Variants in RBPJ observed in about 807,000 individuals in gnomAD.
RBPJ encodes recombining binding protein suppressor of hairless.
In RBPJ, 9 loss-of-function variants were observed where a neutral mutation model predicts 67.8. The observed-to-expected ratio is 0.13, with a 90% CI of 0.08 to 0.23. The LOEUF is 0.23. RBPJ is among the 10% of genes least tolerant of loss of function. RBPJ has a pLI of 1.00. For missense variants in RBPJ, 305 were observed against 595.6 expected (o/e 0.51, Z 5.08); for synonymous variants, 198 against 203.3 (o/e 0.97, Z 0.22).
chr4:26,380,772 A>C (rs929018947), intron 1 of RBPJ, among the ~76,000 whole-genome samples: 2 of 151,906 alleles, frequency 1.3e-5, no homozygotes, highest in African/African-American at 4.8e-5. Flanking sequence ...TGCTTTTTTA[A>C]AACTTCTCTC....
intron 1 of RBPJ, among the ~76,000 whole-genome samples, chr4:26,213,795 C>A (rs1015010250): frequency 1.3e-5 from 2 of 151,930 alleles, no homozygotes; most frequent in African/African-American, 2.4e-5. Flanking sequence ...TGGGGAGAGG[C>A]CATTGTAGAA....
intron 1 of RBPJ, among the ~76,000 whole-genome samples, chr4:26,200,704 C>T (rs1038754523): frequency 6.6e-6 from 1 of 152,068 alleles, no homozygotes; most frequent in Non-Finnish European, 1.5e-5. Flanking sequence ...ATCCAATGCC[C>T]ACTGTACTAT....
chr4:26,320,110 TAGAG>T (rs575783040), upstream of RBPJ, among the ~76,000 whole-genome samples: 115 of 152,244 alleles, frequency 7.6e-4, no homozygotes, highest in African/African-American at 2.4e-3. Context: ...GATGGGGTCT[TAGAG>T]AGGCCATGCA....
At chr4:26,335,991 G>T (rs1724797018) in intron 1 of RBPJ, among the ~76,000 whole-genome samples, 1 of 152,122 alleles carries the variant, frequency 6.6e-6, no homozygotes, top group African/African-American at 2.4e-5. Flanking sequence ...TTTGTAGGGG[G>T]ATCTGGTCAC....
rs571128337 is a variant in RBPJ at position 26,291,006 on chromosome 4, G to A, written c.-166-71440G>A. The stretch of plus-strand genomic sequence containing the variant: ...TCCCCTTGAATGCTGTTTACTGGCT[G>A]TGAGCAAATAGGTATTCACTTAGAA... On this transcript the variant is annotated intron_variant, in intron 1 of 4. Coordinates refer to the RBPJ transcript ENST00000512351. 1.9e-4 allele frequency among the ~76,000 whole-genome samples: 28 copies of A among 151,148 alleles called. 5 individuals carry two copies. The highest frequency in any genetic ancestry group is 6.8e-4 in the African/African-American group (28 of 41,192).
At chr4:26,382,696 A>G (rs1481057489) in intron 1 of RBPJ, among the ~76,000 whole-genome samples, 1 of 152,102 alleles carries the variant, frequency 6.6e-6, no homozygotes, top group African/African-American at 2.4e-5. Context: ...TCCAGCTGCT[A>G]CACCCAGCTA....
At chr4:26,197,553 C>A (rs891584826) in intron 1 of RBPJ, among the ~76,000 whole-genome samples, 33 of 152,174 alleles carry the variant, frequency 2.2e-4, no homozygotes, top group African/African-American at 6.8e-4. Flanking sequence ...CGTTTGATCT[C>A]GGCACTGATG....
At chr4:26,408,433 A>AT (rs565502639) in intron 3 of RBPJ, among the ~76,000 whole-genome samples, 60 of 147,928 alleles carry the variant, frequency 4.1e-4, no homozygotes, top group East Asian at 3.4e-3. Context: ...GAAATTCAGT[A>AT]TTTTTTTTTT....
chr4:26,417,357 G>A (rs1314673755), intron 4 of RBPJ, among the ~76,000 whole-genome samples: 1 of 152,162 alleles, frequency 6.6e-6, no homozygotes, highest in East Asian at 1.9e-4. Flanking sequence ...TTTAGGGGCT[G>A]CCTCAACATG....
intron 7 of RBPJ, among the ~76,000 whole-genome samples, chr4:26,427,063 G>C (rs1270099541): frequency 6.6e-6 from 1 of 152,210 alleles, no homozygotes; most frequent in African/African-American, 2.4e-5. Flanking sequence ...CGTGGAAGCA[G>C]AGAGACAGGT....
At chr4:26,379,891 G>A (rs1375994336) in intron 1 of RBPJ, among the ~76,000 whole-genome samples, 1 of 152,052 alleles carries the variant, frequency 6.6e-6, no homozygotes, top group Non-Finnish European at 1.5e-5. Flanking sequence ...ACATCTTATA[G>A]GATGTTTCTT....
chr4:26,210,727 C>CTTTCCTTCTTTA (rs1718371547), intron 1 of RBPJ, among the ~76,000 whole-genome samples: 1,351 of 61,746 alleles, frequency 0.022, 105 homozygotes, highest in Non-Finnish European at 0.023. Flanking sequence ...TTCTTTCTTT[C>CTTTCCTTCTTTA]CTTCTTTACT....
intron 1 of RBPJ, among the ~76,000 whole-genome samples, chr4:26,300,776 G>A (rs1722049231): frequency 6.6e-6 from 1 of 152,114 alleles, no homozygotes; most frequent in Non-Finnish European, 1.5e-5. Context: ...GCTCATAGAG[G>A]GTGTTCAGGA....
chr4:26,360,028 T>G (rs1397703626), intron 1 of RBPJ, among the ~76,000 whole-genome samples: 1 of 152,210 alleles, frequency 6.6e-6, no homozygotes, highest in Non-Finnish European at 1.5e-5. Context: ...TATGTTAATT[T>G]AATTTTTCTG....
rs71186404 is a variant in RBPJ, at chr4:26,343,739, CTTTTTTTTTTTT to C, written c.20+22708_20+22719del. On this transcript the variant is annotated intron_variant, in intron 1 of 10. Transcript: ENST00000355476. ...ATTTTTTTGTACTTCTTTCTTTCTT[CTTTTTTTTTTTT>C]TTTTTTTTTTTTTTTTGTGACGGAG... Among the ~76,000 whole-genome samples, 97 of 55,828 alleles carry C rather than the reference CTTTTTTTTTTTT, an allele frequency of 1.7e-3. 2 individuals are homozygous for C. The East Asian group carries it at 0.033, about 19-fold the overall frequency. 36.6% of individuals were successfully genotyped at this position (55,828 alleles called of 152,430 possible).
rs760306759 is a variant in RBPJ, at chr4:26,428,702, C to T, written c.748-18C>T. On this transcript the variant is annotated intron_variant, in intron 7 of 10. Coordinates refer to ENST00000355476, the MANE Select transcript of RBPJ (RefSeq NM_015874.6). ...TCCATGTGTGGATGACCTTTTATTT[C>T]TTAATTGTTAAATATAGATAATTAG... 5.1e-5 allele frequency: 81 copies of T among 1,596,162 alleles called. No homozygotes were observed. Among genetic ancestry groups the T allele is most frequent in the Non-Finnish European group, 6.3e-5 (74 of 1,168,872 alleles).
At chr4:26,349,106 G>A (rs1726525403) in intron 1 of RBPJ, among the ~76,000 whole-genome samples, 1 of 151,136 alleles carries the variant, frequency 6.6e-6, no homozygotes, top group Non-Finnish European at 1.5e-5. Flanking sequence ...GCACGCACTT[G>A]CCAGGCTCTA....
At chr4:26,188,215 A>G (rs910667432) in intron 1 of RBPJ, among the ~76,000 whole-genome samples, 3 of 152,106 alleles carry the variant, frequency 2.0e-5, no homozygotes, top group African/African-American at 7.2e-5. Flanking sequence ...TCACACACAC[A>G]CACATACACA....
chr4:26,388,149 T>G (rs886217746), intron 2 of RBPJ, among the ~76,000 whole-genome samples: 2 of 152,094 alleles, frequency 1.3e-5, no homozygotes, highest in African/African-American at 4.8e-5. Flanking sequence ...ATAAGAACAT[T>G]AAAACAGTAA....
Sources: gnomAD v4.1 joint callset for allele counts (sites outside exome capture counted in the v4.1 genomes callset) on GRCh38, gnomAD v4.1.1 for gene constraint, MANE v1.5 for transcripts, NCBI Gene and HGNC (gene_info 2026-07-23, HGNC 2026-07-21) for gene names.